NRXN3: variants seen among roughly 807,000 people sequenced by gnomAD.
The protein encoded by NRXN3 is neurexin 3.
NRXN3 carries 32 observed loss-of-function variants against 137.6 expected under a neutral mutation model. The ratio of observed to expected loss-of-function variants is 0.23; its 90% CI spans 0.18 to 0.31. The LOEUF is 0.31. NRXN3 is among the 10% of genes least tolerant of loss of function. The pLI is 1.00. For synonymous variants in NRXN3, 798 were observed against 784.5 expected (o/e 1.02, Z -0.29); for missense variants, 1,574 against 2,062.5 (o/e 0.76, Z 4.59).
At chr14:79,127,716 G>C (rs996130685) in intron 15 of NRXN3, among the ~76,000 whole-genome samples, 51 of 152,272 alleles carry the variant, frequency 3.3e-4, no homozygotes, top group African/African-American at 1.2e-3. Flanking sequence ...TGTGAAGAAA[G>C]TCATTGGTAG....
At chr14:79,632,590 C>G (rs1033522854) in intron 16 of NRXN3, among the ~76,000 whole-genome samples, 2 of 152,168 alleles carry the variant, frequency 1.3e-5, no homozygotes, top group African/African-American at 4.8e-5. Context: ...CACCCATGTT[C>G]TACAAAATTT....
At chr14:79,580,743 T>C (rs1416736924) in intron 16 of NRXN3, among the ~76,000 whole-genome samples, 1 of 152,076 alleles carries the variant, frequency 6.6e-6, no homozygotes, top group Non-Finnish European at 1.5e-5. Flanking sequence ...CTGCTTTGGC[T>C]TAAAAAAAAG....
At chr14:78,522,788 T>TG (rs1442611513) in intron 4 of NRXN3, among the ~76,000 whole-genome samples, 1 of 152,174 alleles carries the variant, frequency 6.6e-6, no homozygotes, top group African/African-American at 2.4e-5. Context: ...CTCTTTCCAC[T>TG]GGGGTTGTTA....
intron 15 of NRXN3, among the ~76,000 whole-genome samples, chr14:79,061,941 T>A (rs1289541777): frequency 1.3e-5 from 2 of 152,154 alleles, no homozygotes; most frequent in Admixed American, 6.5e-5. Flanking sequence ...AGACTCCAGC[T>A]CCACTTTCTG....
At chr14:78,758,031 C>G (rs2098676852) in intron 8 of NRXN3, among the ~76,000 whole-genome samples, 2 of 152,136 alleles carry the variant, frequency 1.3e-5, no homozygotes, top group African/African-American at 2.4e-5. Context: ...GCCCTCCCTC[C>G]CTGCAGCCTT....
intron 16 of NRXN3, among the ~76,000 whole-genome samples, chr14:79,622,138 G>T (rs1311784215): frequency 6.6e-6 from 1 of 152,080 alleles, no homozygotes; most frequent in Admixed American, 6.5e-5. Context: ...AGGATTTTGG[G>T]TTATGGTTTA....
At chr14:78,696,814 A>G (rs2098230716) in intron 6 of NRXN3, among the ~76,000 whole-genome samples, 1 of 152,086 alleles carries the variant, frequency 6.6e-6, no homozygotes, top group Non-Finnish European at 1.5e-5. Flanking sequence ...GTGAAACACT[A>G]AGAACAATGA....
chr14:79,149,332 T>C (rs1020921837), intron 15 of NRXN3, among the ~76,000 whole-genome samples: 1 of 151,912 alleles, frequency 6.6e-6, no homozygotes, highest in African/African-American at 2.4e-5. Flanking sequence ...GGGGATTTTT[T>C]TTTTTTTCAA....
chr14:79,327,338 G>C (rs564592976), intron 15 of NRXN3, among the ~76,000 whole-genome samples: 2 of 152,186 alleles, frequency 1.3e-5, no homozygotes, highest in African/African-American at 4.8e-5. Flanking sequence ...CTTGATTCAA[G>C]GGTCAAAAAT....
chr14:79,201,137 C>T (rs144535470), intron 15 of NRXN3: 27 of 152,172 alleles, frequency 1.8e-4, no homozygotes, highest in African/African-American at 6.0e-4. Flanking sequence ...TCAAGTTTGC[C>T]TATTAGGTAG....
intron 16 of NRXN3, among the ~76,000 whole-genome samples, chr14:79,546,150 CT>C (rs1437549710): frequency 6.6e-6 from 1 of 152,124 alleles, no homozygotes; most frequent in Non-Finnish European, 1.5e-5. Flanking sequence ...AATTAAACCT[CT>C]TTCTTTTGTA....
At chr14:78,507,707 A>G (rs2096020099) in intron 4 of NRXN3, among the ~76,000 whole-genome samples, 1 of 152,164 alleles carries the variant, frequency 6.6e-6, no homozygotes, top group South Asian at 2.1e-4. Context: ...GTTAGCCTCT[A>G]ATTAAGATGT....
chr14:79,495,918 G>T (rs1030204293), intron 16 of NRXN3, among the ~76,000 whole-genome samples: 2 of 151,006 alleles, frequency 1.3e-5, no homozygotes, highest in Non-Finnish European at 2.9e-5. Flanking sequence ...ATGTTTAAAA[G>T]GTGTCATCTC....
chr14:79,780,396 C>T (rs1355059694), intron 19 of NRXN3, among the ~76,000 whole-genome samples: 3 of 151,524 alleles, frequency 2.0e-5, no homozygotes, highest in Non-Finnish European at 4.4e-5. Context: ...GTCAGGAGAT[C>T]GAGACCATCC....
chr14:78,653,166 G>T (rs1448266745), intron 6 of NRXN3, among the ~76,000 whole-genome samples: 1 of 152,200 alleles, frequency 6.6e-6, no homozygotes, highest in Non-Finnish European at 1.5e-5. Context: ...TTATCTCTCT[G>T]CAGGATGTTA....
chr14:78,253,614 GC>G (rs2069001554), intron 2 of NRXN3, among the ~76,000 whole-genome samples: 1 of 152,136 alleles, frequency 6.6e-6, no homozygotes, highest in African/African-American at 2.4e-5. Context: ...GATAAAGGCT[GC>G]AGTGAGCTGA....
At chr14:78,887,025 A>G (rs1199972700) in intron 10 of NRXN3, among the ~76,000 whole-genome samples, 1 of 152,122 alleles carries the variant, frequency 6.6e-6, no homozygotes, top group East Asian at 1.9e-4. Context: ...TAGTCTTTGT[A>G]TATTTAATGT....
intron 4 of NRXN3, among the ~76,000 whole-genome samples, chr14:78,418,694 C>A (rs1164749040): frequency 6.6e-6 from 1 of 152,112 alleles, no homozygotes; most frequent in Non-Finnish European, 1.5e-5. Context: ...CGGTATATGT[C>A]CTATGAAAGT....
intron 10 of NRXN3, among the ~76,000 whole-genome samples, chr14:78,843,833 G>A (rs182271265): frequency 5.5e-4 from 84 of 152,160 alleles, no homozygotes; most frequent in African/African-American, 1.8e-3. Flanking sequence ...TGTTATGGCT[G>A]GCCCCAAGTC....
Sources: gnomAD v4.1 joint callset for allele counts (sites outside exome capture counted in the v4.1 genomes callset) on GRCh38, gnomAD v4.1.1 for gene constraint, MANE v1.5 for transcripts, NCBI Gene and HGNC (gene_info 2026-07-23, HGNC 2026-07-21) for gene names.